Variants in LRCH1 observed in about 807,000 individuals in gnomAD.
LRCH1 encodes the protein leucine-rich repeat and calponin homology domain-containing protein 1.
In LRCH1, 23 loss-of-function variants were observed where a neutral mutation model predicts 94.9. That is an observed-to-expected ratio of 0.24 (90% CI 0.17 to 0.34). The LOEUF (loss-of-function observed/expected upper bound fraction) is 0.34. Ranked by LOEUF, LRCH1 falls within the 10% of genes least tolerant of loss-of-function variation. The pLI is 1.00. For synonymous variants in LRCH1, 364 were observed against 354.9 expected (o/e 1.03, Z -0.29); for missense variants, 790 against 945.9 (o/e 0.84, Z 2.16).
chr13:46,691,537 C>T (rs547918126), intron 7 of LRCH1, among the ~76,000 whole-genome samples: 1 of 152,208 alleles, frequency 6.6e-6, no homozygotes, highest in East Asian at 1.9e-4. Context: ...AGTTGGCTTA[C>T]AGTTCTGCAG....
At chr13:46,598,008 C>T (rs1462360991) in intron 1 of LRCH1, among the ~76,000 whole-genome samples, 3 of 151,966 alleles carry the variant, frequency 2.0e-5, no homozygotes, top group Non-Finnish European at 4.4e-5. Context: ...GGGCTGAGTG[C>T]GGTGGCTCAT....
chr13:46,655,168 G>A (rs1176666305), intron 2 of LRCH1, among the ~76,000 whole-genome samples: 1 of 152,148 alleles, frequency 6.6e-6, no homozygotes, highest in East Asian at 1.9e-4. Context: ...TGACTATGAT[G>A]GTGGCGGTGG....
chr13:46,626,679 G>A (rs1393655939), intron 1 of LRCH1, among the ~76,000 whole-genome samples: 1 of 152,162 alleles, frequency 6.6e-6, no homozygotes, highest in Non-Finnish European at 1.5e-5. Context: ...AAGCCTGTTT[G>A]GTGGTCTCCT....
chr13:46,708,018 G>A (rs2138192506), intron 13 of LRCH1, among the ~76,000 whole-genome samples: 1 of 152,240 alleles, frequency 6.6e-6, no homozygotes, highest in East Asian at 1.9e-4. Context: ...TTCCCACTGT[G>A]GTATATTGCC....
chr13:46,589,897 G>A (rs1274632671), intron 1 of LRCH1, among the ~76,000 whole-genome samples: 2 of 149,818 alleles, frequency 1.3e-5, no homozygotes, highest in Admixed American at 6.6e-5. Context: ...CACTGTGCCT[G>A]GGATTTTTTT....
At chr13:46,599,403 A>T (rs2050601560) in intron 1 of LRCH1, among the ~76,000 whole-genome samples, 1 of 151,976 alleles carries the variant, frequency 6.6e-6, no homozygotes, top group African/African-American at 2.4e-5. Flanking sequence ...CTTTATTTTT[A>T]ATTTTTTTGA....
At chr13:46,710,043 T>C (rs1871978168) in intron 13 of LRCH1, among the ~76,000 whole-genome samples, 1 of 152,204 alleles carries the variant, frequency 6.6e-6, no homozygotes, top group African/African-American at 2.4e-5. Context: ...AATTCACCAG[T>C]ATTTGTTGAG....
intron 11 of LRCH1, among the ~76,000 whole-genome samples, chr13:46,702,838 G>T (rs1375098009): frequency 5.3e-5 from 8 of 152,148 alleles, no homozygotes; most frequent in African/African-American, 1.7e-4. Flanking sequence ...ACAGATACCA[G>T]GCACTTCCTT....
chr13:46,553,809 G>A, intron 1 of LRCH1, 106 bp downstream of exon 1: 1 of 1,539,314 alleles, frequency 6.5e-7, no homozygotes, highest in Non-Finnish European at 8.8e-7. Flanking sequence ...GCTGGGGGAG[G>A]GAGGGTCCAT....
intron 3 of LRCH1, among the ~76,000 whole-genome samples, chr13:46,673,834 G>A (rs2138127204): frequency 6.8e-6 from 1 of 147,516 alleles, no homozygotes; most frequent in South Asian, 2.2e-4. Flanking sequence ...AGGCTAGAGT[G>A]CAGCGGCACA....
intron 16 of LRCH1, among the ~76,000 whole-genome samples, chr13:46,716,059 G>A (rs976973676): frequency 3.9e-5 from 6 of 152,058 alleles, no homozygotes; most frequent in Non-Finnish European, 7.4e-5. Flanking sequence ...TACTGTGTGA[G>A]ATTTCTAAGG....
At chr13:46,668,020 A>G (rs1053708182) in intron 2 of LRCH1, among the ~76,000 whole-genome samples, 1 of 152,220 alleles carries the variant, frequency 6.6e-6, no homozygotes, top group Non-Finnish European at 1.5e-5. Context: ...TTTATTAAAT[A>G]GTTACACTGA....
chr13:46,684,328 C>T (rs959672664), intron 4 of LRCH1, among the ~76,000 whole-genome samples: 2 of 151,462 alleles, frequency 1.3e-5, no homozygotes, highest in African/African-American at 2.4e-5. Context: ...TGTCTGGTTC[C>T]TGTTTTCCTG....
chr13:46,599,186 A>G (rs774034907), intron 1 of LRCH1, among the ~76,000 whole-genome samples: 8 of 152,290 alleles, frequency 5.3e-5, no homozygotes, highest in Non-Finnish European at 1.2e-4. Context: ...CTTCCTTCTT[A>G]AGGCTGATTA....
rs191904129 is a variant in LRCH1 at position 46,568,089 on chromosome 13, A to G, written c.307+14386A>G. On this transcript the variant is annotated intron_variant, in intron 1 of 19. Transcript: ENST00000389797. The stretch of plus-strand genomic sequence containing the variant: ...AATACTGCATGGTAGATTGGATTGG[A>G]TGAGCCCCATCACCTTTGGATAAGA... Among the ~76,000 whole-genome samples, 624 of 152,242 alleles carry G rather than the reference A, an allele frequency of 4.1e-3. 5 individuals carry two copies. The highest frequency in any genetic ancestry group is 0.034 in the South Asian group (164 of 4,822).
At chr13:46,734,225 G>T (rs917654091) in intron 19 of LRCH1, among the ~76,000 whole-genome samples, 1 of 152,042 alleles carries the variant, frequency 6.6e-6, no homozygotes, top group African/African-American at 2.4e-5. Flanking sequence ...AATAATTTAA[G>T]ATTTTGAAGT....
Position 46,705,055 on chromosome 13 carries a change from T to A in LRCH1, c.1401-13T>A. 7.1e-7 allele frequency: 1 copy of A among 1,405,022 alleles called. No homozygotes were observed. Among genetic ancestry groups the A allele is most frequent in the Non-Finnish European group, 9.9e-7 (1 of 1,010,906 alleles). The allele number at this position is 1,405,022 out of a possible 1,614,324, so 87.0% of individuals were successfully genotyped here. On this transcript the variant is annotated splice_polypyrimidine_tract_variant and intron_variant, in intron 11 of 19. Coordinates refer to ENST00000389797, the MANE Select transcript of LRCH1 (RefSeq NM_001164211.2). The stretch of plus-strand genomic sequence containing the variant: ...TAATACGTTTACTAATATCTTTTTT[T>A]CCTACTCTTTAGATTAAGCACAGAT...
chr13:46,597,470 C>A (rs1025055746), intron 1 of LRCH1, among the ~76,000 whole-genome samples: 2 of 152,080 alleles, frequency 1.3e-5, no homozygotes, highest in Non-Finnish European at 1.5e-5. Flanking sequence ...AATTCTCCTG[C>A]CTCAGCCTCT....
chr13:46,700,096 A>G lies in LRCH1; in HGVS notation c.1313+693A>G, dbSNP rs1437061359. ...ATTTATTTAGCAAGATTTACAGGGGAGGGGGTGTGTGATCCCATCAGACAA... is the reference window on the plus strand; with the variant it reads ...ATTTATTTAGCAAGATTTACAGGGGGGGGGGTGTGTGATCCCATCAGACAA... On this transcript the variant is annotated intron_variant, in intron 10 of 19. Transcript: ENST00000389797. Among the ~76,000 whole-genome samples, 3 of 152,078 alleles carry G rather than the reference A, an allele frequency of 2.0e-5. No homozygotes were observed. In the East Asian group the frequency reaches 5.8e-4, roughly 29 times the overall value.
Sources: allele counts gnomAD v4.1 joint callset (sites outside exome capture counted in the v4.1 genomes callset), GRCh38; gene constraint gnomAD v4.1.1; transcripts MANE v1.5; gene names NCBI Gene and HGNC (gene_info 2026-07-23, HGNC 2026-07-21).